The following SPRY3 variants were observed in gnomAD, a reference collection of about 807,000 sequenced individuals.
The protein encoded by SPRY3 is sprouty RTK signaling antagonist 3.
SPRY3 carries 15 observed loss-of-function variants against 20.2 expected under a neutral mutation model. That is an observed-to-expected ratio of 0.74 (90% CI 0.50 to 1.14). The LOEUF (loss-of-function observed/expected upper bound fraction) is 1.14, where lower values mean the gene tolerates loss of function less well. Among genes scored for constraint, SPRY3 ranks in the 50% most tolerant of loss-of-function variants. The pLI is 0.00. For synonymous variants in SPRY3, 143 were observed against 136.5 expected, an observed-to-expected ratio of 1.05 and a Z score of -0.33; for missense variants, 364 against 363.9, an observed-to-expected ratio of 1.00 and a Z score of 0.00.
At chrX:155,632,149 G>C (rs1437547595) in intron 1 of SPRY3, among the ~76,000 whole-genome samples, 1 of 108,573 alleles carries the variant, frequency 9.2e-6, no homozygotes, top group African/African-American at 3.4e-5. Context: ...ATAATGTAGA[G>C]GAAGGAATAT....
At chrX:155,770,183 T>C (rs1603006350) in intron 3 of SPRY3, among the ~76,000 whole-genome samples, 7 of 152,166 alleles carry the variant, frequency 4.6e-5, no homozygotes, top group Admixed American at 4.6e-4. Flanking sequence ...TCCACTCTTC[T>C]TTGAAATCAA....
intron 1 of SPRY3, among the ~76,000 whole-genome samples, chrX:155,623,484 AC>A (rs2067877794): frequency 8.9e-6 from 1 of 112,004 alleles, no homozygotes; most frequent in Non-Finnish European, 1.9e-5. Context: ...AACTTTATGC[AC>A]TTTTTATTGA....
intron 1 of SPRY3, among the ~76,000 whole-genome samples, chrX:155,625,025 A>G (rs782689098): frequency 2.7e-5 from 3 of 111,989 alleles, no homozygotes; most frequent in Non-Finnish European, 5.7e-5. Context: ...ACTAAACTAT[A>G]AAAGGAAACA....
At chrX:155,716,486 C>T (rs1180346978) in intron 2 of SPRY3, among the ~76,000 whole-genome samples, 1 of 152,072 alleles carries the variant, frequency 6.6e-6, no homozygotes, top group East Asian at 1.9e-4. Flanking sequence ...CTTCATTTTG[C>T]TGTTTTCCCA....
intron 2 of SPRY3, among the ~76,000 whole-genome samples, chrX:155,715,404 C>T (rs1330163826): frequency 6.6e-6 from 1 of 152,144 alleles, no homozygotes; most frequent in African/African-American, 2.4e-5. Context: ...TGCCTCACAA[C>T]TCTGCCTGGT....
chrX:155,634,013 G>A (rs1056924948), intron 1 of SPRY3, among the ~76,000 whole-genome samples: 82 of 110,499 alleles, frequency 7.4e-4, no homozygotes, highest in African/African-American at 9.3e-4. Context: ...CCCAGGAGGC[G>A]GAGGTTGCAG....
chrX:155,734,370 C>A (rs193028647), intron 2 of SPRY3, among the ~76,000 whole-genome samples: 1 of 152,108 alleles, frequency 6.6e-6, no homozygotes, highest in Admixed American at 6.6e-5. Flanking sequence ...AGTCAGAACA[C>A]ACACAACATT....
chrX:155,680,145 GGTGTGTGT>G (rs774435204), intron 2 of SPRY3, among the ~76,000 whole-genome samples: 28 of 70,400 alleles, frequency 4.0e-4, no homozygotes, highest in East Asian at 2.3e-3. Flanking sequence ...AAGCAATGCT[GGTGTGTGT>G]GTGTGTGTGT....
At chrX:155,777,418 C>T (rs1000029487), downstream of SPRY3, 4 of 166,586 alleles carry the variant, frequency 2.4e-5, no homozygotes, top group Admixed American at 6.6e-5. Context: ...CCCAGAGGAG[C>T]CTTTCTCAGT....
At chrX:155,639,865 A>G (rs1418213359) in intron 1 of SPRY3, among the ~76,000 whole-genome samples, 4 of 112,164 alleles carry the variant, frequency 3.6e-5, no homozygotes, top group African/African-American at 9.7e-5. Flanking sequence ...TCATATCCTC[A>G]CTAACATTTG....
chrX:155,711,705 T>C (rs2090987916), intron 2 of SPRY3, among the ~76,000 whole-genome samples: 1 of 151,146 alleles, frequency 6.6e-6, no homozygotes, highest in African/African-American at 2.4e-5. Context: ...TTTTGCTATT[T>C]ATTTTTACTT....
intron 2 of SPRY3, among the ~76,000 whole-genome samples, chrX:155,664,346 C>T (rs900850150): frequency 3.7e-5 from 4 of 109,233 alleles, no homozygotes; most frequent in African/African-American, 1.3e-4. Context: ...GGATATTATT[C>T]TTACAGAACT....
At chrX:155,745,700 C>T (rs2091222242) in intron 2 of SPRY3, among the ~76,000 whole-genome samples, 1 of 152,076 alleles carries the variant, frequency 6.6e-6, no homozygotes, top group Non-Finnish European at 1.5e-5. Flanking sequence ...AAAGTATTTA[C>T]CTCATAGGTT....
intron 2 of SPRY3, among the ~76,000 whole-genome samples, chrX:155,763,183 A>C (rs2035768046): frequency 6.6e-6 from 1 of 152,150 alleles, no homozygotes; most frequent in Non-Finnish European, 1.5e-5. Context: ...GGACATAAAG[A>C]TGGCAATTGG....
At chrX:155,724,392 T>C (rs2091083620) in intron 2 of SPRY3, among the ~76,000 whole-genome samples, 2 of 152,192 alleles carry the variant, frequency 1.3e-5, no homozygotes, top group African/African-American at 4.8e-5. Flanking sequence ...GCTATTTTCA[T>C]GATATTCATT....
intron 2 of SPRY3, among the ~76,000 whole-genome samples, chrX:155,719,312 A>C (rs1176042182): frequency 6.6e-6 from 1 of 152,136 alleles, no homozygotes; most frequent in Non-Finnish European, 1.5e-5. Flanking sequence ...TAATGGTCTA[A>C]ACATGAGTTG....
chrX:155,721,844 G>A (rs2091060705), intron 2 of SPRY3, among the ~76,000 whole-genome samples: 1 of 152,058 alleles, frequency 6.6e-6, no homozygotes, highest in African/African-American at 2.4e-5. Flanking sequence ...GGATGTTAAC[G>A]AGCAATAAGT....
At chrX:155,721,979 C>T (rs2091062080) in intron 2 of SPRY3, among the ~76,000 whole-genome samples, 1 of 151,524 alleles carries the variant, frequency 6.6e-6, no homozygotes, top group South Asian at 2.1e-4. Context: ...AATGATGGAC[C>T]AATCAAAAAC....
At chrX:155,754,772 A>G (rs1569396278) in intron 2 of SPRY3, among the ~76,000 whole-genome samples, 3 of 151,858 alleles carry the variant, frequency 2.0e-5, no homozygotes, top group Non-Finnish European at 2.9e-5. Context: ...TCTTTCAACA[A>G]TGTTCTGTGG....
Sources: allele counts gnomAD v4.1 joint callset (sites outside exome capture counted in the v4.1 genomes callset), GRCh38; gene constraint gnomAD v4.1.1; transcripts MANE v1.5; gene names NCBI Gene and HGNC (gene_info 2026-07-23, HGNC 2026-07-21).